TNPO3: variants seen among roughly 807,000 people sequenced by gnomAD.
The protein encoded by TNPO3 is transportin 3.
A neutral mutation model predicts 122.8 loss-of-function variants in TNPO3; 65 were observed. The ratio of observed to expected loss-of-function variants is 0.53; its 90% CI spans 0.43 to 0.65. The LOEUF is 0.65. Among genes scored for constraint, TNPO3 ranks in the 30% least tolerant of loss-of-function variants. TNPO3 has a pLI of 0.00. For synonymous variants in TNPO3, 372 were observed against 411.2 expected, an observed-to-expected ratio of 0.90 and a Z score of 1.15; for missense variants, 850 against 1,136.7, an observed-to-expected ratio of 0.75 and a Z score of 3.63.
At chr7:128,967,203 C>T (rs1277685563) in intron 21 of TNPO3, 77 bp downstream of exon 21, 9 of 989,598 alleles carry the variant, frequency 9.1e-6, no homozygotes, top group Non-Finnish European at 1.4e-5. Flanking sequence ...TTGTCCATTT[C>T]CCAAGGGCAC....
intron 1 of TNPO3, among the ~76,000 whole-genome samples, chr7:129,042,571 T>G (rs184420795): frequency 6.6e-6 from 1 of 152,280 alleles, no homozygotes; most frequent in Non-Finnish European, 1.5e-5. Context: ...ATCAACTACC[T>G]TAACTTCTTT....
Position 128,964,690 on chromosome 7 carries a change from T to C in TNPO3, c.2711+2590A>G, listed in dbSNP as rs111588730. 7.1e-3 allele frequency among the ~76,000 whole-genome samples: 1,086 copies of C among 152,256 alleles called. 17 individuals carry two copies. The highest frequency in any genetic ancestry group is 0.025 in the African/African-American group (1,044 of 41,540). On this transcript the variant is annotated intron_variant, in intron 21 of 22. Coordinates refer to ENST00000265388, the MANE Select transcript of TNPO3 (RefSeq NM_012470.4). ...GGCCTCATATTCCTGATTCTAAAAT[T>C]TATTACAAAGCCACAGTAATCAAAA...
At position 128,986,901 on chromosome 7, in the gene TNPO3, CA is replaced by C; in HGVS notation, c.1517del (p.Leu506Ter). ...GGGGCTTTTCACACAGGCCTTTCATCAAATAGCCCAACACAGGGTCTAAGAA... is the reference window on the plus strand; with the variant it reads ...GGGGCTTTTCACACAGGCCTTTCATCAATAGCCCAACACAGGGTCTAAGAA... ...PQFLDPVLGY[L>X]MKGLCEKPLA... is the part of the protein sequence containing the mutation. On this transcript the variant is annotated frameshift_variant, in exon 12 of 23. Coordinates refer to ENST00000265388, the MANE Select transcript of TNPO3 (RefSeq NM_012470.4). LOFTEE classifies it high-confidence loss of function. 1 of 1,612,744 alleles carries C rather than the reference CA, an allele frequency of 6.2e-7. No individual in the cohort carries two copies. The highest frequency in any genetic ancestry group is 8.5e-7 in the Non-Finnish European group (1 of 1,179,652).
At chr7:128,987,728 G>GC (rs1205709867) in intron 11 of TNPO3, among the ~76,000 whole-genome samples, 1 of 152,030 alleles carries the variant, frequency 6.6e-6, no homozygotes, top group African/African-American at 2.4e-5. Context: ...CTACAGGCAT[G>GC]CGTCAAGCCC....
intron 8 of TNPO3, among the ~76,000 whole-genome samples, chr7:128,995,175 TG>T (rs758582845): frequency 6.6e-6 from 1 of 152,322 alleles, no homozygotes; most frequent in Non-Finnish European, 1.5e-5. Flanking sequence ...GGAATTTAGG[TG>T]GTAGGTATAC....
At chr7:129,054,535 C>T in intron 1 of TNPO3, 116 bp downstream of exon 1, 1 of 1,464,106 alleles carries the variant, frequency 6.8e-7, no homozygotes, top group Non-Finnish European at 9.1e-7. Context: ...ACGACAGCAG[C>T]TCCTCCCCAA....
intron 3 of TNPO3, among the ~76,000 whole-genome samples, chr7:129,016,348 C>A (rs138948839): frequency 6.8e-4 from 103 of 152,100 alleles, no homozygotes; most frequent in Admixed American, 1.7e-3. Flanking sequence ...GAGCCAAGAT[C>A]GCACCGTTGA....
chr7:129,018,158 C>T lies in TNPO3; in HGVS notation c.121-1G>A. 1 of 1,614,014 alleles carries T rather than the reference C, an allele frequency of 6.2e-7. No homozygotes were observed. Among genetic ancestry groups the T allele is most frequent in the Non-Finnish European group, 8.5e-7 (1 of 1,179,978 alleles). On this transcript the variant is annotated splice_acceptor_variant, in intron 1 of 22. Coordinates refer to ENST00000265388, the MANE Select transcript of TNPO3 (RefSeq NM_012470.4). LOFTEE classifies it high-confidence loss of function. ...GGTCTGAGATCTCCCATGCATGAAC[C>T]TGAAAGCGTATTAGACAAAGATGTC...
chr7:129,025,394 A>G (rs1280871671), intron 1 of TNPO3, among the ~76,000 whole-genome samples: 1 of 128,228 alleles, frequency 7.8e-6, no homozygotes, highest in African/African-American at 2.9e-5. Context: ...AAAAAAAAAA[A>G]AAACCAGCTG....
chr7:128,996,633 C>T (rs1449557408), intron 8 of TNPO3, among the ~76,000 whole-genome samples: 12 of 150,806 alleles, frequency 8.0e-5, no homozygotes, highest in Non-Finnish European at 1.8e-4. Flanking sequence ...ATCCCAGCTA[C>T]TCGGGAGGCT....
chr7:129,016,154 G>A (rs1246515815), intron 3 of TNPO3, among the ~76,000 whole-genome samples: 2 of 152,120 alleles, frequency 1.3e-5, no homozygotes, highest in Non-Finnish European at 1.5e-5. Flanking sequence ...TGTAATCCCA[G>A]CACTTTGGGA....
In TNPO3 at chr7:128,986,773, T is replaced by G; in HGVS notation, c.1646A>C (p.Asp549Ala). The change falls in exon 12 of 23, where the codon GAT becomes GCT. Residue 549 changes from aspartate (D) to alanine (A), a missense_variant. Transcript: ENST00000265388. ...NGLLEIARSL[D>A]SFLLSPEAAV... The stretch of plus-strand genomic sequence containing the variant: ...AGCTTCTGGAGACAACAGGAAGGAA[T>G]CGAGGGAGCGGGCAATCTCCAGGAG... The G allele has an allele frequency of 6.2e-7, 1 of 1,614,018 alleles. No homozygotes were observed. The highest frequency in any genetic ancestry group is 1.1e-5 in the South Asian group (1 of 91,066).
chr7:129,047,113 G>C (rs920918889), intron 1 of TNPO3, among the ~76,000 whole-genome samples: 2 of 152,166 alleles, frequency 1.3e-5, no homozygotes, highest in African/African-American at 2.4e-5. Flanking sequence ...TCTGCTTTGT[G>C]CTTTTGATGC....
At chr7:129,032,895 A>G (rs372977578) in intron 1 of TNPO3, among the ~76,000 whole-genome samples, 14 of 152,176 alleles carry the variant, frequency 9.2e-5, no homozygotes, top group African/African-American at 3.1e-4. Flanking sequence ...AGCCAAAACA[A>G]TCTTAAAAAA....
chr7:129,027,300 C>A (rs1393983864), intron 1 of TNPO3, among the ~76,000 whole-genome samples: 1 of 151,790 alleles, frequency 6.6e-6, no homozygotes, highest in Non-Finnish European at 1.5e-5. Context: ...GTGGCTCACA[C>A]CTATAATCCC....
intron 15 of TNPO3, 31 bp from the exon 16 acceptor site, chr7:128,979,154 A>G: frequency 3.1e-6 from 5 of 1,611,478 alleles, no homozygotes; most frequent in Non-Finnish European, 3.4e-6. Context: ...CACAAGAAAG[A>G]AAATAATCAA....
chr7:129,019,204 A>G (rs1804182123), intron 1 of TNPO3, among the ~76,000 whole-genome samples: 1 of 152,228 alleles, frequency 6.6e-6, no homozygotes, highest in African/African-American at 2.4e-5. Flanking sequence ...TTTGGAAACA[A>G]TATCGTGCAG....
At chr7:128,973,731 G>A (rs1287468060) in intron 18 of TNPO3, among the ~76,000 whole-genome samples, 20 of 22,188 alleles carry the variant, frequency 9.0e-4, no homozygotes, top group East Asian at 1.6e-3. Flanking sequence ...GCGAGACTCC[G>A]TCTCAAAAAA....
rs1801909834 is a variant in TNPO3 at position 129,001,188 on chromosome 7, C to T, written c.743G>A (p.Cys248Tyr). 3 of 1,613,780 alleles carry T rather than the reference C, an allele frequency of 1.9e-6. No homozygotes were observed. Among genetic ancestry groups the T allele is most frequent in the Admixed American group, 3.3e-5 (2 of 59,992 alleles). ...AATGGCATAGAGAGCTGAGCATACACAGTCCGAAGCAGCTTCATGTAGGTT... is the reference window on the plus strand; with the variant it reads ...AATGGCATAGAGAGCTGAGCATACATAGTCCGAAGCAGCTTCATGTAGGTT... ...SSNLHEAASDCVCSALYAIEN... is the reference protein window; with the variant it reads ...SSNLHEAASDYVCSALYAIEN... Residue 248 changes from cysteine (C) to tyrosine (Y), a missense_variant, in exon 6 of 23, where the codon TGT becomes TAT. Coordinates refer to ENST00000265388, the MANE Select transcript of TNPO3 (RefSeq NM_012470.4).
Sources: allele counts gnomAD v4.1 joint callset (sites outside exome capture counted in the v4.1 genomes callset), GRCh38; gene constraint gnomAD v4.1.1; transcripts MANE v1.5; gene names NCBI Gene and HGNC (gene_info 2026-07-23, HGNC 2026-07-21).